The following NDUFS1 variants were observed in gnomAD, a reference collection of about 807,000 sequenced individuals.
NDUFS1 encodes the protein NADH-ubiquinone oxidoreductase 75 kDa subunit, mitochondrial.
Under a neutral mutation model 84.4 loss-of-function variants are expected in NDUFS1, and 61 were observed. The observed-to-expected ratio is 0.72, with a 90% CI of 0.59 to 0.89. NDUFS1 has a LOEUF of 0.89. NDUFS1 is among the 40% of genes least tolerant of loss of function. The pLI, the probability that NDUFS1 is intolerant of heterozygous loss-of-function variation, is 0.00. For synonymous variants in NDUFS1, 275 were observed against 290.0 expected (o/e 0.95, Z 0.53); for missense variants, 891 against 890.0 (o/e 1.00, Z -0.01).
Position 206,131,170 on chromosome 2 carries a change from C to T in NDUFS1, c.1554-928G>A, listed in dbSNP as rs527533806. On this transcript the variant is annotated intron_variant, in intron 14 of 18. Transcript: ENST00000233190. The stretch of plus-strand genomic sequence containing the variant: ...CCTAAAACAAGTTGGAAGCATGCTT[C>T]GAAAGGCTCAGAAATGGTTATCCTG... Among the ~76,000 whole-genome samples the T allele has an allele frequency of 4.6e-5, 7 of 152,188 alleles. No homozygotes were observed. The South Asian group carries it at 8.3e-4, about 18-fold the overall frequency.
Position 206,123,933 on chromosome 2 carries a change from G to A in NDUFS1, c.*252C>T, listed in dbSNP as rs767646109. On this transcript the variant is annotated 3_prime_UTR_variant, in exon 19 of 19. Coordinates refer to ENST00000233190, the MANE Select transcript of NDUFS1 (RefSeq NM_005006.7). The stretch of plus-strand genomic sequence containing the variant: ...ATAATTTAAGGATCTCTTTATGTTC[G>A]TCACAAAGGTTATCAATGCTTTTAA... The A allele has an allele frequency of 3.9e-5, 15 of 382,490 alleles. No homozygotes were observed. Among genetic ancestry groups the A allele is most frequent in the Middle Eastern group, 7.4e-4 (1 of 1,360 alleles). The allele number at this position is 382,490 out of a possible 1,614,324, so 23.7% of individuals were successfully genotyped here. A position where few individuals can be genotyped will look rare whatever the true frequency, so the allele number is the denominator to read the frequency against.
intron 5 of NDUFS1, 81 bp downstream of exon 5, chr2:206,148,939 A>T: frequency 9.9e-7 from 1 of 1,010,158 alleles, no homozygotes; most frequent in Non-Finnish European, 1.6e-6. Flanking sequence ...TTAAATTCTT[A>T]ATCTATGGGA....
At position 206,121,114 on chromosome 2, in the gene NDUFS1, TAAA is replaced by T. The variant is rs1691082914; in HGVS notation, c.*3068_*3070del. Reference sequence around the variant, plus strand: ...TTGTGAAGAATAGTCTTAATGTATTTAAAGCTTTAATGGCACTTATTTAGAAGG... The same window carrying T: ...TTGTGAAGAATAGTCTTAATGTATTTGCTTTAATGGCACTTATTTAGAAGG... On this transcript the variant is annotated 3_prime_UTR_variant, in exon 19 of 19. Coordinates refer to ENST00000233190, the MANE Select transcript of NDUFS1 (RefSeq NM_005006.7). 6.6e-6 allele frequency: 1 copy of T among 152,240 alleles called. No individual in the cohort carries two copies. Among genetic ancestry groups the T allele is most frequent in the East Asian group, 1.9e-4 (1 of 5,208 alleles). The allele number at this position is 152,240 out of a possible 1,614,324, so 9.4% of individuals were successfully genotyped here.
At position 206,132,272 on chromosome 2, in the gene NDUFS1, AC is replaced by A. The variant is rs35505282; in HGVS notation, c.1553+672del. Among the ~76,000 whole-genome samples, 1,431 of 152,224 alleles carry A rather than the reference AC, an allele frequency of 9.4e-3. 8 individuals carry two copies. Among genetic ancestry groups the A allele is most frequent in the Middle Eastern group, 0.017 (5 of 294 alleles). On this transcript the variant is annotated intron_variant, in intron 14 of 18. Coordinates refer to ENST00000233190, the MANE Select transcript of NDUFS1 (RefSeq NM_005006.7). Reference sequence around the variant, plus strand: ...TCTCTTTTCAACTTACCTAAATTAAACCTGCATTATTGATATGGTTTGAAAT... The same window carrying A: ...TCTCTTTTCAACTTACCTAAATTAAACTGCATTATTGATATGGTTTGAAAT...
At chr2:206,136,427 GTT>G (rs760484724) in intron 13 of NDUFS1, among the ~76,000 whole-genome samples, 1 of 123,308 alleles carries the variant, frequency 8.1e-6, no homozygotes, top group African/African-American at 3.1e-5. Flanking sequence ...TTAGTTGTTG[GTT>G]TTTTTTTTGT....
chr2:206,149,080 G>C lies in NDUFS1; in HGVS notation c.278C>G (p.Ala93Gly). 1 of 1,612,064 alleles carries C rather than the reference G, an allele frequency of 6.2e-7. No individual in the cohort carries two copies. Among genetic ancestry groups the C allele is most frequent in the Non-Finnish European group, 8.5e-7 (1 of 1,179,192 alleles). Residue 93 changes from alanine to glycine, a missense_variant, in exon 5 of 19, where the codon GCC (alanine) becomes GGC (glycine). Ala to Gly is a moderately conservative substitution (Grantham distance 60). Transcript: ENST00000233190. ...ATTCCAACCCTTCATTACTGGCATG[G>C]CACAAGCAGCTACAACCTGGGATTT... is the stretch of plus-strand genomic sequence containing the variant. The part of the protein sequence containing the change: ...EKAPKVVAAC[A>G]MPVMKGWNIL...
intron 13 of NDUFS1, among the ~76,000 whole-genome samples, chr2:206,136,146 G>A (rs1336283068): frequency 6.6e-6 from 1 of 151,456 alleles, no homozygotes; most frequent in East Asian, 1.9e-4. Context: ...TGCCTCCTGG[G>A]TTCAAGTGAT....
intron 2 of NDUFS1, among the ~76,000 whole-genome samples, chr2:206,153,193 CTTCTTTT>C (rs1191083701): frequency 1.4e-5 from 2 of 147,330 alleles, no homozygotes; most frequent in Non-Finnish European, 3.0e-5. Context: ...TCATTTGTTT[CTTCTTTT>C]TTTTTTTTTT....
At chr2:206,154,873 T>C (rs914609824) in intron 1 of NDUFS1, among the ~76,000 whole-genome samples, 5 of 151,792 alleles carry the variant, frequency 3.3e-5, no homozygotes, top group South Asian at 2.1e-4. Flanking sequence ...TCCGCCCACC[T>C]TGACCTCCCA....
chr2:206,151,392 G>A (rs138236453), intron 3 of NDUFS1, among the ~76,000 whole-genome samples: 7 of 152,194 alleles, frequency 4.6e-5, no homozygotes, highest in African/African-American at 1.2e-4. Context: ...CAAGCATGTC[G>A]TTCTTGTTCA....
rs372691318 is a variant in NDUFS1, at chr2:206,130,127, G to A, written c.1669C>T (p.Arg557Ter). 4.0e-5 allele frequency: 64 copies of A among 1,613,974 alleles called. No homozygotes were observed. Among genetic ancestry groups the A allele is most frequent in the Non-Finnish European group, 5.0e-5 (59 of 1,180,024 alleles). ...LLGADGGCITRQDLPKDCFII... is the reference protein window; with the variant it reads ...LLGADGGCIT The stretch of plus-strand genomic sequence containing the variant: ...AAACAATCCTTTGGCAAATCCTGTC[G>A]TGTGATACAACCTCCATCTGCTCCC... The change falls in exon 15 of 19, where the codon CGA (arginine) becomes TGA (stop). Residue 557 changes from arginine (R) to a stop codon, truncating the protein, a stop_gained. Coordinates refer to ENST00000233190, the MANE Select transcript of NDUFS1 (RefSeq NM_005006.7). LOFTEE classifies it high-confidence loss of function.
intron 9 of NDUFS1, 49 bp from the exon 10 acceptor site, chr2:206,144,181 T>C: frequency 7.1e-7 from 1 of 1,400,412 alleles, no homozygotes. Context: ...AAGAAGTAAC[T>C]ATAATTTTCA....
In NDUFS1 at chr2:206,144,073, T is replaced by C; in HGVS notation, c.932A>G (p.Lys311Arg). The change falls in exon 10 of 19, where the codon AAA becomes AGA. Residue 311 changes from lysine (K) to arginine (R), a missense_variant. Coordinates refer to ENST00000233190, the MANE Select transcript of NDUFS1 (RefSeq NM_005006.7). ...CCAAGAAGTATAGGTTAAAAGCCCT[T>C]TTTCATTTCTGACCATTGGCTCGGT... ...RLTEPMVRNE[K>R]GLLTYTSWED... The C allele has an allele frequency of 6.2e-7, 1 of 1,614,118 alleles. No homozygotes were observed. The highest frequency in any genetic ancestry group is 8.5e-7 in the Non-Finnish European group (1 of 1,179,982).
chr2:206,129,147 A>C (rs2105947191), intron 15 of NDUFS1, among the ~76,000 whole-genome samples: 1 of 152,358 alleles, frequency 6.6e-6, no homozygotes, highest in Middle Eastern at 3.4e-3. Flanking sequence ...TATATAGTTT[A>C]ATATAATTTG....
chr2:206,140,943 T>TATATATATATATACACACAC (rs367723817), intron 12 of NDUFS1, among the ~76,000 whole-genome samples: 3 of 136,112 alleles, frequency 2.2e-5, no homozygotes, highest in Non-Finnish European at 4.6e-5. Flanking sequence ...TATATATATA[T>TATATATATATATACACACAC]ACACACACAC....
intron 10 of NDUFS1, 38 bp downstream of exon 10, chr2:206,143,980 C>T (rs1294369509): frequency 4.6e-6 from 7 of 1,508,314 alleles, no homozygotes; most frequent in Non-Finnish European, 6.5e-6. Context: ...TCTTGATAAT[C>T]ACAAACACTA....
At chr2:206,159,150 T>A (rs1197325373) in intron 1 of NDUFS1, 191 bp downstream of exon 1, 30 of 1,535,582 alleles carry the variant, frequency 2.0e-5, no homozygotes, top group Non-Finnish European at 2.6e-5. Context: ...TTCTGCTTCA[T>A]CAGACCAGAG....
At chr2:206,141,376 C>A (rs1338889513) in intron 12 of NDUFS1, among the ~76,000 whole-genome samples, 1 of 150,466 alleles carries the variant, frequency 6.6e-6, no homozygotes, top group Non-Finnish European at 1.5e-5. Context: ...ACTAAAAATA[C>A]AAAAAATAAG....
chr2:206,135,117 C>A (rs936089845), intron 13 of NDUFS1, among the ~76,000 whole-genome samples: 4 of 151,866 alleles, frequency 2.6e-5, no homozygotes, highest in African/African-American at 4.8e-5. Context: ...CTCCCAGGTT[C>A]AAGCTATTAT....
Sources: gnomAD v4.1 joint callset for allele counts (sites outside exome capture counted in the v4.1 genomes callset) on GRCh38, gnomAD v4.1.1 for gene constraint, MANE v1.5 for transcripts, NCBI Gene and HGNC (gene_info 2026-07-23, HGNC 2026-07-21) for gene names.